Variants in SLK observed in about 807,000 individuals in gnomAD.
SLK encodes the protein STE20 like kinase.
A neutral mutation model predicts 147.7 loss-of-function variants in SLK; 67 were observed. The observed-to-expected ratio is 0.45, with a 90% CI of 0.37 to 0.56. SLK has a LOEUF of 0.56. Ranked by LOEUF, SLK falls within the 20% of genes least tolerant of loss-of-function variation. The probability of loss-of-function intolerance (pLI) is 0.00; values close to 1 mark genes in which losing one functional copy is unlikely to be tolerated. For synonymous variants in SLK, 441 were observed against 475.0 expected (o/e 0.93, Z 0.93); for missense variants, 1,136 against 1,438.8 (o/e 0.79, Z 3.41).
chr10:103,993,300 A>G (rs11191894), intron 4 of SLK, among the ~76,000 whole-genome samples, 167 bp downstream of exon 4: 29,879 of 152,064 alleles, frequency 0.2, 3,180 homozygotes, highest in Non-Finnish European at 0.24. Flanking sequence ...TCATTTTTCT[A>G]TAATTTCTAA....
At chr10:103,995,713 A>G (rs950109354) in intron 4 of SLK, among the ~76,000 whole-genome samples, 1 of 152,120 alleles carries the variant, frequency 6.6e-6, no homozygotes, top group East Asian at 1.9e-4. Flanking sequence ...GGTGTGAGCC[A>G]CTGCACCCAG....
At chr10:103,986,676 T>C (rs1212156047) in intron 1 of SLK, among the ~76,000 whole-genome samples, 1 of 139,844 alleles carries the variant, frequency 7.2e-6, no homozygotes, top group Non-Finnish European at 1.6e-5. Flanking sequence ...GAGTTTTTTT[T>C]TTTTTTTTTT....
chr10:104,005,741 T>C (rs777115591), intron 10 of SLK, 50 bp downstream of exon 10: 8 of 1,562,030 alleles, frequency 5.1e-6, no homozygotes, highest in Non-Finnish European at 7.0e-6. Context: ...TTCTTTTCAG[T>C]CTCTGAAAAG....
chr10:104,010,984 G>C, intron 13 of SLK, 76 bp downstream of exon 13: 1 of 872,900 alleles, frequency 1.1e-6, no homozygotes, highest in Non-Finnish European at 1.7e-6. Flanking sequence ...TGGTTGAAAG[G>C]GTAAATTTTA....
Position 104,026,571 on chromosome 10 carries a change from A to G in SLK, c.*851A>G, listed in dbSNP as rs1844602318. On this transcript the variant is annotated 3_prime_UTR_variant, in exon 19 of 19. Coordinates refer to ENST00000369755, the MANE Select transcript of SLK (RefSeq NM_014720.4). Reference sequence around the variant, plus strand: ...ATGTAAAACTCATGAAATTTAAGCAATATAGGTTTAGCTATCTGTGTTTAT... The same window carrying G: ...ATGTAAAACTCATGAAATTTAAGCAGTATAGGTTTAGCTATCTGTGTTTAT... 6.6e-6 allele frequency: 1 copy of G among 152,220 alleles called. No homozygotes were observed. The highest frequency in any genetic ancestry group is 6.5e-5 in the Admixed American group (1 of 15,294). 9.4% of individuals were successfully genotyped at this position (152,220 alleles called of 1,614,324 possible).
In SLK at chr10:103,995,991, G is replaced by A. The variant is rs543207741; in HGVS notation, c.514+2858G>A. Among the ~76,000 whole-genome samples, 99 of 152,196 alleles carry A rather than the reference G, an allele frequency of 6.5e-4. 1 individual carries two copies. Among genetic ancestry groups the A allele is most frequent in the South Asian group, 4.2e-3 (20 of 4,808 alleles). On this transcript the variant is annotated intron_variant, in intron 4 of 18. Transcript: ENST00000369755. ...TTCTGGTTCTCAAGGACATTGATAG[G>A]TTTAGGATACCTCATAATTCATTTT...
At chr10:104,008,802 G>T (rs1381098868) in intron 12 of SLK, among the ~76,000 whole-genome samples, 2 of 152,188 alleles carry the variant, frequency 1.3e-5, no homozygotes, top group Non-Finnish European at 2.9e-5. Flanking sequence ...TTATTTATAA[G>T]TTATTTTTCA....
At chr10:103,979,204 A>C (rs965045636) in intron 1 of SLK, among the ~76,000 whole-genome samples, 2 of 152,084 alleles carry the variant, frequency 1.3e-5, no homozygotes, top group Non-Finnish European at 2.9e-5. Flanking sequence ...TTTAGTAGAG[A>C]TGGGGTTTCG....
chr10:103,984,239 A>G (rs1462929003), intron 1 of SLK, among the ~76,000 whole-genome samples: 1 of 152,202 alleles, frequency 6.6e-6, no homozygotes, highest in Admixed American at 6.5e-5. Context: ...GATTTTTCTT[A>G]CTGATTTCTT....
intron 14 of SLK, 98 bp from the exon 15 acceptor site, chr10:104,018,686 G>C: frequency 1.6e-6 from 2 of 1,232,576 alleles, no homozygotes; most frequent in Non-Finnish European, 2.3e-6. Context: ...GTACGAGTTA[G>C]TGTATTTAGA....
rs1322947033 is a variant in SLK at position 104,027,846 on chromosome 10, G to A, written c.*2126G>A. On this transcript the variant is annotated 3_prime_UTR_variant, in exon 19 of 19. Transcript: ENST00000369755. ...ATTGACTCAAGGAGAGAGGCTCAGA[G>A]TGGAATGGTTGGCGCTGTGGGTAAG... 1 of 152,146 alleles carries A rather than the reference G, an allele frequency of 6.6e-6. No homozygotes were observed. The highest frequency in any genetic ancestry group is 1.5e-5 in the Non-Finnish European group (1 of 68,034). The allele number at this position is 152,146 out of a possible 1,614,324, so 9.4% of individuals were successfully genotyped here.
chr10:103,977,876 T>C (rs370332011), intron 1 of SLK, among the ~76,000 whole-genome samples: 80 of 152,316 alleles, frequency 5.3e-4, no homozygotes, highest in Middle Eastern at 3.4e-3. Context: ...ATAAAAATGT[T>C]GATATGTAAA....
chr10:104,003,243 T>A lies in SLK; in HGVS notation c.2065T>A (p.Ser689Thr). ...TAAAGAGAAAAAAGAAATTCCAGTG[T>A]CAATTAAAAAAGAGCCTGAAGTTAC... The part of the protein sequence containing the change: ...IDKEKKEIPV[S>T]IKKEPEVTVV... The change falls in exon 9 of 19, where the codon TCA becomes ACA. Residue 689 changes from serine (S) to threonine (T), a missense_variant. By Grantham distance (58) the Ser-to-Thr change is moderately conservative (BLOSUM62 1). Around this residue, in one of 6 missense-constraint regions of SLK, gnomAD observed 516 missense variants for 531.3 expected, o/e 0.97. Coordinates refer to ENST00000369755, the MANE Select transcript of SLK (RefSeq NM_014720.4). 1 of 1,612,462 alleles carries A rather than the reference T, an allele frequency of 6.2e-7. No homozygotes were observed. The highest frequency in any genetic ancestry group is 1.1e-5 in the South Asian group (1 of 90,890).
chr10:103,981,444 C>G (rs1843940959), intron 1 of SLK, among the ~76,000 whole-genome samples: 1 of 152,044 alleles, frequency 6.6e-6, no homozygotes. Context: ...GCTTTTGCCT[C>G]ATGCTGTCTT....
Position 104,006,043 on chromosome 10 carries a change from C to G in SLK, c.2604+8C>G. ...TTTGAGCAGGAAATGATGGTAAAGT[C>G]TGATTGTTATACCATTTTATATCAT... is the stretch of plus-strand genomic sequence containing the variant. On this transcript the variant is annotated splice_region_variant and intron_variant, in intron 11 of 18. Coordinates refer to ENST00000369755, the MANE Select transcript of SLK (RefSeq NM_014720.4). 7.5e-6 allele frequency: 12 copies of G among 1,608,058 alleles called. No individual in the cohort carries two copies. Among genetic ancestry groups the G allele is most frequent in the Non-Finnish European group, 1.0e-5 (12 of 1,178,428 alleles).
At chr10:104,004,482 G>A (rs1844298398) in intron 9 of SLK, among the ~76,000 whole-genome samples, 2 of 152,158 alleles carry the variant, frequency 1.3e-5, no homozygotes, top group Admixed American at 6.5e-5. Context: ...GGAGGTTAAG[G>A]TGTAGATAGG....
At chr10:104,000,589 C>T (rs1001313986) in intron 7 of SLK, among the ~76,000 whole-genome samples, 8 of 152,090 alleles carry the variant, frequency 5.3e-5, no homozygotes, top group Admixed American at 6.5e-5. Flanking sequence ...CCTTAGTCTG[C>T]GACAGACACT....
intron 14 of SLK, 137 bp from the exon 15 acceptor site, chr10:104,018,647 C>A: frequency 1.2e-6 from 1 of 866,280 alleles, no homozygotes; most frequent in Non-Finnish European, 1.8e-6. Context: ...TACAGTTGCA[C>A]TTGGACAGCT....
At chr10:103,970,223 T>C (rs557339933) in intron 1 of SLK, among the ~76,000 whole-genome samples, 43 of 152,282 alleles carry the variant, frequency 2.8e-4, no homozygotes, top group African/African-American at 1.0e-3. Flanking sequence ...TGGGATGAGA[T>C]AGGGAAAGGA....
Sources: gnomAD v4.1 joint callset for allele counts (sites outside exome capture counted in the v4.1 genomes callset) on GRCh38, gnomAD v4.1.1 for gene constraint, gnomAD v4.1.1 regional missense constraint, MANE v1.5 for transcripts, NCBI Gene and HGNC (gene_info 2026-07-23, HGNC 2026-07-21) for gene names.